SOX6: variants seen among roughly 807,000 people sequenced by gnomAD.
SOX6 encodes the protein SRY-box transcription factor 6, also known as transcription factor SOX-6.
Under a neutral mutation model 97.8 loss-of-function variants are expected in SOX6, and 11 were observed. The observed-to-expected ratio is 0.11, with a 90% confidence interval of 0.07 to 0.19. The LOEUF is 0.19. SOX6 is among the 10% of genes least tolerant of loss of function. The pLI is 1.00. For missense variants in SOX6, 810 were observed against 1,039.5 expected (o/e 0.78, Z 3.04); for synonymous variants, 360 against 371.4 (o/e 0.97, Z 0.35).
At chr11:16,561,546 C>T (rs1847814438) in intron 4 of SOX6, among the ~76,000 whole-genome samples, 1 of 152,102 alleles carries the variant, frequency 6.6e-6, no homozygotes, top group Admixed American at 6.5e-5. Flanking sequence ...AGATCAGTGC[C>T]TGACTAGAAC....
Position 15,970,916 on chromosome 11 carries a change from C to T in SOX6, c.*1893G>A, listed in dbSNP as rs188542722. The T allele has an allele frequency of 1.3e-5, 2 of 152,704 alleles. No homozygotes were observed. Among genetic ancestry groups the T allele is most frequent in the African/African-American group, 4.8e-5 (2 of 41,582 alleles). 9.5% of individuals were successfully genotyped at this position (152,704 alleles called of 1,614,324 possible). Reference sequence around the variant, plus strand: ...CCACTAAACCTCTCTGGGGGAAGCCCCCCGATAGACAACCTGTCCTAGTTT... The same window carrying T: ...CCACTAAACCTCTCTGGGGGAAGCCTCCCGATAGACAACCTGTCCTAGTTT... On this transcript the variant is annotated 3_prime_UTR_variant, in exon 16 of 16. Coordinates refer to ENST00000683767, the MANE Select transcript of SOX6 (RefSeq NM_001367873.1).
chr11:16,309,504 A>G (rs1160211836), intron 3 of SOX6, among the ~76,000 whole-genome samples: 2 of 152,160 alleles, frequency 1.3e-5, no homozygotes, highest in African/African-American at 4.8e-5. Context: ...TTTTAAAACA[A>G]AAAAGGCAGA....
chr11:16,079,337 C>T (rs998773601), intron 9 of SOX6, among the ~76,000 whole-genome samples: 1 of 152,014 alleles, frequency 6.6e-6, no homozygotes, highest in Non-Finnish European at 1.5e-5. Flanking sequence ...TAAAATTGCA[C>T]AAAAGGAAAG....
chr11:16,186,558 T>C (rs1269558160), intron 5 of SOX6, among the ~76,000 whole-genome samples: 1 of 152,160 alleles, frequency 6.6e-6, no homozygotes, highest in African/African-American at 2.4e-5. Context: ...AATGTATCAT[T>C]TTAGTTATGC....
At chr11:16,334,530 C>T (rs536749307) in intron 2 of SOX6, among the ~76,000 whole-genome samples, 13 of 151,952 alleles carry the variant, frequency 8.6e-5, no homozygotes, top group African/African-American at 2.9e-4. Flanking sequence ...CAGGTTCAAG[C>T]GATTCTCCTG....
Position 16,184,101 on chromosome 11 carries a change from G to A in SOX6, c.709-147C>T, listed in dbSNP as rs1851410709. ...AAAATGAGAGAGGCCAAATCAGAAA[G>A]ATGGATGAAAGGAAAAATTTTTAAA... On this transcript the variant is annotated intron_variant, in intron 5 of 15. Coordinates refer to ENST00000683767, the MANE Select transcript of SOX6 (RefSeq NM_001367873.1). The A allele has an allele frequency of 4.3e-5, 32 of 752,594 alleles. No homozygotes were observed. In the South Asian group the frequency reaches 4.4e-4, roughly 10 times the overall value. The allele number at this position is 752,594 out of a possible 1,614,324, so 46.6% of individuals were successfully genotyped here.
intron 4 of SOX6, among the ~76,000 whole-genome samples, chr11:16,192,607 T>C (rs1851660952): frequency 6.6e-6 from 1 of 151,708 alleles, no homozygotes; most frequent in South Asian, 2.1e-4. Flanking sequence ...ATAACTGAAA[T>C]GTACTATTTT....
At chr11:16,207,251 C>A (rs1224824765) in intron 4 of SOX6, among the ~76,000 whole-genome samples, 1 of 152,048 alleles carries the variant, frequency 6.6e-6, no homozygotes, top group African/African-American at 2.4e-5. Flanking sequence ...AATGTATAAA[C>A]AAAGTATTAT....
chr11:16,452,411 C>CA (rs1373906345), intron 1 of SOX6, among the ~76,000 whole-genome samples: 4 of 151,880 alleles, frequency 2.6e-5, no homozygotes, highest in Admixed American at 1.3e-4. Flanking sequence ...GATTCATGTT[C>CA]AAAAAAACTA....
At chr11:16,437,514 G>C (rs1037182966) in intron 1 of SOX6, among the ~76,000 whole-genome samples, 1 of 152,092 alleles carries the variant, frequency 6.6e-6, no homozygotes, top group African/African-American at 2.4e-5. Flanking sequence ...TAAGATTAAA[G>C]GTCTTATAAG....
At chr11:16,570,667 C>G (rs1847929022) in intron 4 of SOX6, among the ~76,000 whole-genome samples, 1 of 152,172 alleles carries the variant, frequency 6.6e-6, no homozygotes, top group Non-Finnish European at 1.5e-5. Context: ...GTTTTCAAAA[C>G]TGTTCAAATT....
Position 16,234,638 on chromosome 11 carries a change from T to C in SOX6, c.479A>G (p.Asp160Gly), listed in dbSNP as rs1447614045. The change falls in exon 4 of 16, where the codon GAT (aspartate) becomes GGT (glycine). Residue 160 changes from aspartate (D) to glycine (G), a missense_variant. Physicochemically the swap from Asp to Gly is moderately conservative, Grantham distance 94. This residue lies in a region of SOX6 where 110 missense variants were observed against 119.0 expected (regional missense o/e 0.92). Transcript: ENST00000683767. ...SSCMEKLLSK[D>G]WKEKMERLNT... Reference sequence around the variant, plus strand: ...TAGTCTTTCCATTTTTTCCTTCCAATCTTTTGAAAGTAGTTTTTCCATGCA... The same window carrying C: ...TAGTCTTTCCATTTTTTCCTTCCAACCTTTTGAAAGTAGTTTTTCCATGCA... 14 of 1,598,100 alleles carry C rather than the reference T, an allele frequency of 8.8e-6. No homozygotes were observed. Among genetic ancestry groups the C allele is most frequent in the East Asian group, 2.3e-5 (1 of 44,346 alleles).
intron 4 of SOX6, among the ~76,000 whole-genome samples, chr11:16,482,679 T>C (rs1590219295): frequency 6.9e-6 from 1 of 145,936 alleles, no homozygotes; most frequent in Non-Finnish European, 1.5e-5. Context: ...AAAATGGTGT[T>C]CTTTGAAAAA....
At chr11:16,216,599 C>A (rs1852379811) in intron 4 of SOX6, among the ~76,000 whole-genome samples, 1 of 134,238 alleles carries the variant, frequency 7.4e-6, no homozygotes, top group African/African-American at 2.8e-5. Context: ...TAAGCAAATT[C>A]TTCTTTTCAG....
intron 3 of SOX6, among the ~76,000 whole-genome samples, chr11:16,238,088 A>G (rs1853078720): frequency 6.6e-6 from 1 of 151,994 alleles, no homozygotes; most frequent in African/African-American, 2.4e-5. Flanking sequence ...CCATTAACCA[A>G]TATTTATTCA....
At chr11:16,738,111 C>T (rs1848408135) in intron 1 of SOX6, among the ~76,000 whole-genome samples, 1 of 152,012 alleles carries the variant, frequency 6.6e-6, no homozygotes, top group South Asian at 2.1e-4. Flanking sequence ...TAACAACATA[C>T]TGAACTCATT....
intron 1 of SOX6, among the ~76,000 whole-genome samples, chr11:16,343,084 A>T (rs1478811080): frequency 6.6e-6 from 1 of 151,836 alleles, no homozygotes; most frequent in Non-Finnish European, 1.5e-5. Context: ...AATTATGAAA[A>T]ATGGTAGCCA....
At position 16,066,043 on chromosome 11, in the gene SOX6, T is replaced by A. The variant is rs115869163; in HGVS notation, c.1102-10142A>T. Among the ~76,000 whole-genome samples, 228 of 152,216 alleles carry A rather than the reference T, an allele frequency of 1.5e-3. 1 individual carries two copies. The highest frequency in any genetic ancestry group is 5.1e-3 in the African/African-American group (211 of 41,554). On this transcript the variant is annotated intron_variant, in intron 9 of 15. Coordinates refer to ENST00000683767, the MANE Select transcript of SOX6 (RefSeq NM_001367873.1). ...ACAGGGGATTTATAACTAGAATATA[T>A]AAGGAGCTCAAACAACTCTTTGGAA...
intron 12 of SOX6, among the ~76,000 whole-genome samples, chr11:16,031,062 T>C (rs1855359669): frequency 6.6e-6 from 1 of 152,154 alleles, no homozygotes. Context: ...ATTATCTAAT[T>C]CGTAAGGCAC....
Sources: allele counts gnomAD v4.1 joint callset (sites outside exome capture counted in the v4.1 genomes callset), GRCh38; gene constraint gnomAD v4.1.1; regional missense constraint gnomAD v4.1.1; transcripts MANE v1.5; gene names NCBI Gene and HGNC (gene_info 2026-07-23, HGNC 2026-07-21).